Variants in CSMD3 observed in about 807,000 individuals in gnomAD.
CSMD3 encodes the protein CUB and sushi domain-containing protein 3.
CSMD3 carries 177 observed loss-of-function variants against 435.2 expected under a neutral mutation model. The observed-to-expected ratio is 0.41, with a 90% confidence interval of 0.36 to 0.46. The LOEUF (loss-of-function observed/expected upper bound fraction) is 0.46. CSMD3 is among the 20% of genes least tolerant of loss of function. The pLI is 0.34. For synonymous variants in CSMD3, 1,656 were observed against 1,520.5 expected, an observed-to-expected ratio of 1.09 and a Z score of -2.07; for missense variants, 4,265 against 4,504.6, an observed-to-expected ratio of 0.95 and a Z score of 1.52.
chr8:112,395,998 G>T (rs1034414637), intron 35 of CSMD3, among the ~76,000 whole-genome samples: 1 of 152,136 alleles, frequency 6.6e-6, no homozygotes, highest in African/African-American at 2.4e-5. Context: ...GTTAAAGTTT[G>T]TGAATCTTCT....
intron 1 of CSMD3, among the ~76,000 whole-genome samples, chr8:113,385,883 T>C (rs1388367963): frequency 6.6e-6 from 1 of 152,094 alleles, no homozygotes; most frequent in African/African-American, 2.4e-5. Flanking sequence ...TTATTAAAAT[T>C]CAATTGAACA....
At chr8:112,886,959 C>T (rs553007505) in intron 10 of CSMD3, among the ~76,000 whole-genome samples, 11 of 151,278 alleles carry the variant, frequency 7.3e-5, no homozygotes, top group South Asian at 2.1e-4. Flanking sequence ...GTTGAACTTG[C>T]GGATTTGGAG....
intron 38 of CSMD3, among the ~76,000 whole-genome samples, chr8:112,358,862 A>C (rs529161506): frequency 6.6e-6 from 1 of 152,332 alleles, no homozygotes; most frequent in South Asian, 2.1e-4. Context: ...AGCATCATGC[A>C]GTAAACCTAT....
chr8:113,232,610 T>G (rs1436409396), intron 3 of CSMD3, among the ~76,000 whole-genome samples: 1 of 151,734 alleles, frequency 6.6e-6, no homozygotes, highest in African/African-American at 2.4e-5. Flanking sequence ...ATTTTGTAAC[T>G]CTCATGTGGT....
At chr8:112,507,480 G>A (rs938247157) in intron 28 of CSMD3, among the ~76,000 whole-genome samples, 1 of 152,130 alleles carries the variant, frequency 6.6e-6, no homozygotes, top group African/African-American at 2.4e-5. Flanking sequence ...GGAGGTCTTC[G>A]TGGTGGGATG....
chr8:113,387,460 GATAA>G (rs1321816362), intron 1 of CSMD3, among the ~76,000 whole-genome samples: 1 of 151,688 alleles, frequency 6.6e-6, no homozygotes, highest in Non-Finnish European at 1.5e-5. Context: ...AAGGAACAAA[GATAA>G]ATAAGATAAA....
chr8:112,563,824 G>T (rs914363377), intron 24 of CSMD3, among the ~76,000 whole-genome samples: 1 of 151,940 alleles, frequency 6.6e-6, no homozygotes, highest in Non-Finnish European at 1.5e-5. Flanking sequence ...CTCTGTGAGG[G>T]TGTCATAGCA....
chr8:112,410,590 G>GTA (rs1218523465), intron 32 of CSMD3, among the ~76,000 whole-genome samples: 10 of 107,610 alleles, frequency 9.3e-5, no homozygotes, highest in East Asian at 5.1e-4. Context: ...ACATACATAT[G>GTA]TATATATATA....
intron 8 of CSMD3, among the ~76,000 whole-genome samples, chr8:112,949,366 T>G (rs1374206109): frequency 6.6e-6 from 1 of 152,052 alleles, no homozygotes; most frequent in Non-Finnish European, 1.5e-5. Context: ...ATTTATGTTT[T>G]TCTTATTCTC....
intron 1 of CSMD3, among the ~76,000 whole-genome samples, chr8:113,317,586 T>C (rs548432270): frequency 2.0e-5 from 3 of 152,332 alleles, no homozygotes; most frequent in Admixed American, 2.0e-4. Flanking sequence ...CAAAGTTACA[T>C]TAAACATAGC....
chr8:113,128,350 C>A (rs1298671538), intron 4 of CSMD3, among the ~76,000 whole-genome samples: 1 of 151,852 alleles, frequency 6.6e-6, no homozygotes, highest in Non-Finnish European at 1.5e-5. Flanking sequence ...TTTCTGCTTA[C>A]CTATTAAAAA....
At chr8:112,670,908 A>C (rs1441057014) in intron 16 of CSMD3, among the ~76,000 whole-genome samples, 3 of 152,276 alleles carry the variant, frequency 2.0e-5, no homozygotes, top group African/African-American at 2.4e-5. Flanking sequence ...TAGAGGAAAA[A>C]ATGAAAGATG....
At chr8:112,616,934 C>G (rs995866659) in intron 22 of CSMD3, among the ~76,000 whole-genome samples, 1 of 152,134 alleles carries the variant, frequency 6.6e-6, no homozygotes, top group Non-Finnish European at 1.5e-5. Flanking sequence ...CTGTGTTCAA[C>G]TGAAACTAGG....
At chr8:113,427,016 G>A (rs2094639413) in intron 1 of CSMD3, among the ~76,000 whole-genome samples, 2 of 151,166 alleles carry the variant, frequency 1.3e-5, no homozygotes, top group South Asian at 4.1e-4. Context: ...TACAAATGAG[G>A]ACATTATTAG....
chr8:113,330,204 C>T (rs1217234671), intron 1 of CSMD3, among the ~76,000 whole-genome samples: 1 of 151,934 alleles, frequency 6.6e-6, no homozygotes, highest in African/African-American at 2.4e-5. Context: ...CACATTGCTG[C>T]AAATATTCTG....
chr8:112,831,467 T>C (rs1370382288), intron 11 of CSMD3, among the ~76,000 whole-genome samples: 3 of 152,144 alleles, frequency 2.0e-5, no homozygotes, highest in East Asian at 1.9e-4. Flanking sequence ...TAGTACCATA[T>C]GGTTTTCCAA....
chr8:112,976,357 A>C (rs1284359044), intron 6 of CSMD3, among the ~76,000 whole-genome samples: 8 of 152,146 alleles, frequency 5.3e-5, no homozygotes, highest in Non-Finnish European at 1.0e-4. Flanking sequence ...TATACACACA[A>C]AATATACCAC....
At chr8:112,584,821 T>G (rs2131343646) in intron 23 of CSMD3, among the ~76,000 whole-genome samples, 1 of 151,456 alleles carries the variant, frequency 6.6e-6, no homozygotes, top group African/African-American at 2.4e-5. Context: ...TATAGGGATC[T>G]AACTGACTCC....
chr8:112,233,155 T>G (rs1813254075), intron 68 of CSMD3, among the ~76,000 whole-genome samples: 1 of 152,214 alleles, frequency 6.6e-6, no homozygotes. Context: ...CAATTCCTAC[T>G]ACTAAGTAGT....
Sources: gnomAD v4.1 joint callset for allele counts (sites outside exome capture counted in the v4.1 genomes callset) on GRCh38, gnomAD v4.1.1 for gene constraint, MANE v1.5 for transcripts, NCBI Gene and HGNC (gene_info 2026-07-23, HGNC 2026-07-21) for gene names.